The following ARPC1B variants were observed in gnomAD, a reference collection of about 807,000 sequenced individuals.
ARPC1B encodes actin related protein 2/3 complex subunit 1B.
A neutral mutation model predicts 46.0 loss-of-function variants in ARPC1B; 29 were observed. The observed-to-expected ratio is 0.63, with a 90% CI of 0.47 to 0.86. The LOEUF is 0.86. Ranked by LOEUF, ARPC1B falls within the 40% of genes least tolerant of loss-of-function variation. The probability of loss-of-function intolerance (pLI) is 0.00; values close to 1 mark genes in which losing one functional copy is unlikely to be tolerated. For synonymous variants in ARPC1B, 201 were observed against 213.9 expected (o/e 0.94, Z 0.53); for missense variants, 469 against 529.4 (o/e 0.89, Z 1.12).
At chr7:99,377,174 T>C (rs1384506905) in intron 1 of ARPC1B, among the ~76,000 whole-genome samples, 2 of 152,004 alleles carry the variant, frequency 1.3e-5, no homozygotes, top group Admixed American at 6.6e-5. Flanking sequence ...AATTTTTAAA[T>C]GTTTAGTAGA....
intron 1 of ARPC1B, among the ~76,000 whole-genome samples, chr7:99,381,951 C>A (rs1314898391): frequency 4.6e-5 from 7 of 152,192 alleles, no homozygotes; most frequent in Admixed American, 4.6e-4. Context: ...CCCTGAGACC[C>A]AACACAAAAC....
chr7:99,393,230 C>T (rs930775083), intron 8 of ARPC1B, among the ~76,000 whole-genome samples: 4 of 152,250 alleles, frequency 2.6e-5, no homozygotes, highest in Admixed American at 2.0e-4. Flanking sequence ...CCATCTTGAT[C>T]TCACCATAGC....
chr7:99,389,707 C>T (rs1794506340), intron 4 of ARPC1B, 198 bp from the exon 5 acceptor site: 1 of 583,268 alleles, frequency 1.7e-6, no homozygotes, highest in Admixed American at 3.0e-5. Flanking sequence ...CACAGAGTTC[C>T]CACTCCAGAA....
chr7:99,388,550 T>C, intron 4 of ARPC1B: 1 of 402,416 alleles, frequency 2.5e-6, no homozygotes, highest in Non-Finnish European at 4.6e-6. Context: ...TGGGCATCGG[T>C]CACTGTCCCC....
In ARPC1B at chr7:99,391,217, G is replaced by A. The variant is rs757633382; in HGVS notation, c.747G>A (p.Ala249=). ...CCTCTGAAACACTACCACTGCTGGCGCTGACCTTCATCACAGACAACAGCC... is the reference window on the plus strand; with the variant it reads ...CCTCTGAAACACTACCACTGCTGGCACTGACCTTCATCACAGACAACAGCC... ...TLASETLPLL[A]LTFITDNSLV... The change falls in exon 7 of 10, where the codon GCG becomes GCA. Residue 249 remains alanine, a synonymous_variant. Transcript: ENST00000646101. The A allele has an allele frequency of 2.0e-5, 33 of 1,613,946 alleles. No individual in the cohort carries two copies. The highest frequency in any genetic ancestry group is 5.0e-5 in the Admixed American group (3 of 59,982).
rs545850396 is a variant in ARPC1B, at chr7:99,389,752, G to A, written c.393-153G>A. On this transcript the variant is annotated intron_variant, in intron 4 of 9. Transcript: ENST00000646101. ...CACATCCCTGCCGCCCCAGGGCCCT[G>A]ACGGCCTTGTGGGCTGGCAATGCCC... 2.1e-4 allele frequency: 145 copies of A among 692,742 alleles called. 1 individual carries two copies. The East Asian group carries it at 3.5e-3, about 17-fold the overall frequency. The allele number at this position is 692,742 out of a possible 1,614,324, so 42.9% of individuals were successfully genotyped here.
intron 7 of ARPC1B, among the ~76,000 whole-genome samples, chr7:99,392,344 G>T (rs1341718501): frequency 6.6e-6 from 1 of 152,156 alleles, no homozygotes; most frequent in Non-Finnish European, 1.5e-5. Flanking sequence ...AAACATAATG[G>T]GGGTGCCAGG....
chr7:99,387,736 CAAAAAAAAAA>C (rs35192470), intron 3 of ARPC1B, among the ~76,000 whole-genome samples: 1 of 61,418 alleles, frequency 1.6e-5, no homozygotes, highest in Admixed American at 1.6e-4. Flanking sequence ...GACTCTGTCT[CAAAAAAAAAA>C]AAAAAAAAAA....
intron 1 of ARPC1B, among the ~76,000 whole-genome samples, chr7:99,375,106 C>T (rs1793994915): frequency 6.6e-6 from 1 of 152,028 alleles, no homozygotes; most frequent in Non-Finnish European, 1.5e-5. Context: ...CCCAGCGCAC[C>T]GGGCGCCCTC....
intron 5 of ARPC1B, among the ~76,000 whole-genome samples, 199 bp from the exon 6 acceptor site, chr7:99,390,694 T>TA (rs200846238): frequency 3.6e-4 from 54 of 151,070 alleles, no homozygotes; most frequent in African/African-American, 1.2e-3. Context: ...GTTAACCCTT[T>TA]AAAAAAAATT....
At chr7:99,381,272 G>A (rs762195126) in intron 1 of ARPC1B, among the ~76,000 whole-genome samples, 5 of 152,170 alleles carry the variant, frequency 3.3e-5, no homozygotes, top group Non-Finnish European at 7.3e-5. Context: ...GACACAGTGC[G>A]CTTGCGTGTG....
At chr7:99,394,151 G>T in intron 9 of ARPC1B, 32 bp downstream of exon 9, 1 of 1,606,762 alleles carries the variant, frequency 6.2e-7, no homozygotes. Context: ...TTCCCGCCAT[G>T]CCTCCCAGGT....
intron 4 of ARPC1B, 106 bp downstream of exon 4, chr7:99,388,367 C>A: frequency 9.0e-7 from 1 of 1,108,550 alleles, no homozygotes; most frequent in Non-Finnish European, 1.3e-6. Flanking sequence ...TTCCCATCAC[C>A]CTGGGGGAGT....
chr7:99,394,157 C>G, intron 9 of ARPC1B, 38 bp downstream of exon 9: 1 of 1,600,520 alleles, frequency 6.2e-7, no homozygotes. Context: ...CCATGCCTCC[C>G]AGGTCAACCC....
intron 8 of ARPC1B, among the ~76,000 whole-genome samples, chr7:99,393,638 C>G (rs547145435): frequency 6.6e-6 from 1 of 152,278 alleles, no homozygotes; most frequent in South Asian, 2.1e-4. Flanking sequence ...CAAGACTGGC[C>G]AAGCCCTTCG....
In ARPC1B at chr7:99,392,885, G is replaced by GGGAGCC; in HGVS notation, c.989+12_989+17dup. On this transcript the variant is annotated intron_variant, in intron 8 of 9. Transcript: ENST00000646101. ...CACAAGAACAGCGTCAGGTGAGAGC[G>GGGAGCC]GGAGCCGGGCCGGCGGGTGGGCGGG... is the stretch of plus-strand genomic sequence containing the variant. The GGGAGCC allele has an allele frequency of 1.3e-6, 2 of 1,530,676 alleles. No homozygotes were observed. Among genetic ancestry groups the GGGAGCC allele is most frequent in the South Asian group, 1.2e-5 (1 of 83,172 alleles). The allele number at this position is 1,530,676 out of a possible 1,614,324, so 94.8% of individuals were successfully genotyped here. A position where few individuals can be genotyped will look rare whatever the true frequency, so the allele number is the denominator to read the frequency against.
chr7:99,375,184 T>C (rs2073063540), intron 1 of ARPC1B, among the ~76,000 whole-genome samples: 1 of 146,424 alleles, frequency 6.8e-6, no homozygotes, highest in Non-Finnish European at 1.5e-5. Flanking sequence ...CCGGCCCCCA[T>C]CCCCAGCCTT....
chr7:99,392,719 A>C lies in ARPC1B; in HGVS notation c.832A>C (p.Met278Leu). 1 of 1,547,854 alleles carries C rather than the reference A, an allele frequency of 6.5e-7. No homozygotes were observed. Among genetic ancestry groups the C allele is most frequent in the Non-Finnish European group, 8.7e-7 (1 of 1,145,234 alleles). ...VLFTYDAAAG[M>L]LSFGGRLDVP... ...GTTCACCTATGACGCCGCCGCGGGG[A>C]TGCTGAGCTTCGGCGGGCGGCTGGA... The change falls in exon 8 of 10, where the codon ATG becomes CTG. Residue 278 changes from methionine (M) to leucine (L), a missense_variant. Met to Leu is a conservative substitution (Grantham distance 15). Coordinates refer to ENST00000646101, the MANE Select transcript of ARPC1B (RefSeq NM_005720.4).
Position 99,392,934 on chromosome 7 carries a change from G to T in ARPC1B, c.989+58G>T, listed in dbSNP as rs1027554446. ...GGGCCTCGGCTCGCCCAGAAACAGCGTCGGGTGAGGAAGGGGCCTGGAGTC... is the reference window on the plus strand; with the variant it reads ...GGGCCTCGGCTCGCCCAGAAACAGCTTCGGGTGAGGAAGGGGCCTGGAGTC... On this transcript the variant is annotated intron_variant, in intron 8 of 9. Transcript: ENST00000646101. 1.5e-5 allele frequency: 22 copies of T among 1,474,996 alleles called. No homozygotes were observed. In the Admixed American group the frequency reaches 4.0e-4, roughly 26 times the overall value. 91.4% of individuals were successfully genotyped at this position (1,474,996 alleles called of 1,614,324 possible). A position where few individuals can be genotyped will look rare whatever the true frequency, so the allele number is the denominator to read the frequency against.
Sources: allele counts gnomAD v4.1 joint callset (sites outside exome capture counted in the v4.1 genomes callset), GRCh38; gene constraint gnomAD v4.1.1; transcripts MANE v1.5; gene names NCBI Gene and HGNC (gene_info 2026-07-23, HGNC 2026-07-21).